The following UNC5D variants were observed in gnomAD, a reference collection of about 807,000 sequenced individuals.
UNC5D encodes the protein netrin receptor UNC5D.
Under a neutral mutation model 105.4 loss-of-function variants are expected in UNC5D, and 39 were observed. The ratio of observed to expected loss-of-function variants is 0.37; its 90% confidence interval spans 0.29 to 0.48. UNC5D has a LOEUF of 0.48. Among genes scored for constraint, UNC5D ranks in the 20% least tolerant of loss-of-function variants. The pLI, the probability that UNC5D is intolerant of heterozygous loss-of-function variation, is 0.98. For synonymous variants in UNC5D, 452 were observed against 450.4 expected (o/e 1.00, Z -0.04); for missense variants, 991 against 1,202.4 (o/e 0.82, Z 2.60).
chr8:35,250,719 A>G (rs1803635815), intron 1 of UNC5D, among the ~76,000 whole-genome samples: 1 of 151,648 alleles, frequency 6.6e-6, no homozygotes, highest in Non-Finnish European at 1.5e-5. Context: ...CTGGTCTTGA[A>G]CTCCTGACCT....
intron 2 of UNC5D, among the ~76,000 whole-genome samples, chr8:35,564,476 G>C (rs778021405): frequency 1.3e-5 from 2 of 152,076 alleles, no homozygotes; most frequent in African/African-American, 2.4e-5. Flanking sequence ...CTCATCGACC[G>C]TTTGCCCAGA....
intron 1 of UNC5D, among the ~76,000 whole-genome samples, chr8:35,315,249 A>C (rs1809199320): frequency 6.6e-6 from 1 of 152,180 alleles, no homozygotes; most frequent in African/African-American, 2.4e-5. Context: ...ATAACTTAGT[A>C]ACTTAAGACA....
intron 1 of UNC5D, among the ~76,000 whole-genome samples, chr8:35,241,811 A>G (rs1266606262): frequency 6.6e-6 from 1 of 152,128 alleles, no homozygotes; most frequent in Non-Finnish European, 1.5e-5. Context: ...ACCTTTTGAT[A>G]TTTATCTTTT....
At chr8:35,758,138 T>C (rs994850068) in intron 13 of UNC5D, among the ~76,000 whole-genome samples, 1 of 152,182 alleles carries the variant, frequency 6.6e-6, no homozygotes, top group Non-Finnish European at 1.5e-5. Context: ...ATGCCACTGA[T>C]TTAGTCCTGG....
chr8:35,513,559 G>A (rs1354022654), intron 1 of UNC5D, among the ~76,000 whole-genome samples: 1 of 152,096 alleles, frequency 6.6e-6, no homozygotes, highest in African/African-American at 2.4e-5. Context: ...ATTCTAAGTT[G>A]CAATTCTCTC....
intron 1 of UNC5D, among the ~76,000 whole-genome samples, chr8:35,314,811 A>G (rs932051303): frequency 1.3e-5 from 2 of 152,202 alleles, no homozygotes; most frequent in Non-Finnish European, 2.9e-5. Context: ...AAAATGGTGT[A>G]GGTGGCAAAT....
intron 1 of UNC5D, among the ~76,000 whole-genome samples, chr8:35,537,680 TAAATA>T (rs925278220): frequency 2.7e-5 from 4 of 150,862 alleles, no homozygotes; most frequent in Admixed American, 2.0e-4. Flanking sequence ...TCAAAATAAA[TAAATA>T]AAATAAGTAA....
rs1293418693 is a variant in UNC5D, at chr8:35,682,217, CCT to C, written c.571-1326_571-1325del. ...TGACCTCGTGATCTGCCCGCCTCGG[CCT>C]CTCAACGTGCTGGGATTACAGGCGT... On this transcript the variant is annotated intron_variant, in intron 4 of 16. Transcript: ENST00000404895. Among the ~76,000 whole-genome samples the C allele has an allele frequency of 2.0e-5, 3 of 152,212 alleles. No homozygotes were observed. In the East Asian group the frequency reaches 5.8e-4, roughly 29 times the overall value.
In UNC5D at chr8:35,497,278, G is replaced by A. The variant is rs373339475; in HGVS notation, c.104-52014G>A. On this transcript the variant is annotated intron_variant, in intron 1 of 16. Transcript: ENST00000404895. The stretch of plus-strand genomic sequence containing the variant: ...TGTTCCTTTCTTCTGGGTAAGGGAA[G>A]GCACCTCTGGAATGAGGGTCTTATG... 7.2e-5 allele frequency among the ~76,000 whole-genome samples: 11 copies of A among 152,282 alleles called. No individual in the cohort carries two copies. The East Asian group carries it at 1.9e-3, about 27-fold the overall frequency.
intron 4 of UNC5D, among the ~76,000 whole-genome samples, chr8:35,616,283 G>C (rs922289962): frequency 6.6e-6 from 1 of 152,224 alleles, no homozygotes; most frequent in African/African-American, 2.4e-5. Context: ...AGCGCTTTAT[G>C]TGTCAGATAT....
intron 1 of UNC5D, among the ~76,000 whole-genome samples, chr8:35,409,535 A>G (rs545060049): frequency 2.6e-5 from 4 of 152,106 alleles, no homozygotes; most frequent in Admixed American, 2.6e-4. Context: ...TTTGTCATCT[A>G]CCTATTTTCT....
chr8:35,497,213 A>AT (rs1477252787), intron 1 of UNC5D, among the ~76,000 whole-genome samples: 2 of 152,130 alleles, frequency 1.3e-5, no homozygotes, highest in Non-Finnish European at 2.9e-5. Flanking sequence ...TTTGTTCAGG[A>AT]TTTTCTCTGG....
At chr8:35,359,547 T>A (rs908550274) in intron 1 of UNC5D, among the ~76,000 whole-genome samples, 1 of 152,204 alleles carries the variant, frequency 6.6e-6, no homozygotes, top group Non-Finnish European at 1.5e-5. Flanking sequence ...ATTAACTGAA[T>A]AGCCTGATTA....
intron 9 of UNC5D, 45 bp downstream of exon 9, chr8:35,722,440 A>T: frequency 6.3e-7 from 1 of 1,585,848 alleles, no homozygotes. Flanking sequence ...AGTGCCATAG[A>T]CTACGCTCAC....
intron 1 of UNC5D, among the ~76,000 whole-genome samples, chr8:35,330,356 A>G (rs1328924676): frequency 6.6e-6 from 1 of 152,208 alleles, no homozygotes; most frequent in East Asian, 1.9e-4. Flanking sequence ...CCTTTTGTTC[A>G]TATCACCTTT....
chr8:35,613,375 T>C (rs2130991247), intron 4 of UNC5D, among the ~76,000 whole-genome samples: 1 of 152,352 alleles, frequency 6.6e-6, no homozygotes, highest in Middle Eastern at 3.4e-3. Context: ...GCTCCTGGCC[T>C]CATGTTTTTT....
intron 1 of UNC5D, among the ~76,000 whole-genome samples, chr8:35,273,006 T>A (rs1386048084): frequency 6.6e-6 from 1 of 152,128 alleles, no homozygotes; most frequent in Non-Finnish European, 1.5e-5. Flanking sequence ...GGAACTCTGG[T>A]CTAAGCAATT....
chr8:35,416,701 G>T (rs917061073), intron 1 of UNC5D, among the ~76,000 whole-genome samples: 1 of 151,798 alleles, frequency 6.6e-6, no homozygotes, highest in Non-Finnish European at 1.5e-5. Flanking sequence ...TTTTCCAACT[G>T]GAAGAGAAAA....
chr8:35,657,736 T>C (rs1025466966), intron 4 of UNC5D, among the ~76,000 whole-genome samples: 9 of 152,186 alleles, frequency 5.9e-5, no homozygotes, highest in Non-Finnish European at 7.4e-5. Context: ...TCCTCCTACA[T>C]TGGACTCCCA....
Sources: gnomAD v4.1 joint callset for allele counts (sites outside exome capture counted in the v4.1 genomes callset) on GRCh38, gnomAD v4.1.1 for gene constraint, MANE v1.5 for transcripts, NCBI Gene and HGNC (gene_info 2026-07-23, HGNC 2026-07-21) for gene names.